The following EFL1 variants were observed in gnomAD, a reference collection of about 807,000 sequenced individuals.
EFL1 encodes the protein elongation factor-like GTPase 1.
EFL1 carries 76 observed loss-of-function variants against 126.7 expected under a neutral mutation model. The observed-to-expected ratio is 0.60, with a 90% confidence interval of 0.50 to 0.73. The LOEUF (loss-of-function observed/expected upper bound fraction) is 0.73, where lower values mean the gene tolerates loss of function less well. EFL1 is among the 30% of genes least tolerant of loss of function. The probability of loss-of-function intolerance (pLI) is 0.00; values close to 1 mark genes in which losing one functional copy is unlikely to be tolerated. For missense variants in EFL1, 1,128 were observed against 1,343.2 expected (o/e 0.84, Z 2.50); for synonymous variants, 410 against 448.4 (o/e 0.91, Z 1.08).
chr15:82,183,543 G>C (rs1376760535), intron 15 of EFL1, among the ~76,000 whole-genome samples: 1 of 152,138 alleles, frequency 6.6e-6, no homozygotes, highest in Non-Finnish European at 1.5e-5. Flanking sequence ...ACAGCAACAG[G>C]GGCCAGCTGA....
Position 82,157,559 on chromosome 15 carries a change from G to A in EFL1, c.2030+154C>T, listed in dbSNP as rs910900982. On this transcript the variant is annotated intron_variant, in intron 17 of 19. Transcript: ENST00000268206. ...CCATTTTTCAGTTATTAAAAAATAA[G>A]TCTACAATCGAATAACTGTTCATGT... is the stretch of plus-strand genomic sequence containing the variant. 20 of 892,610 alleles carry A rather than the reference G, an allele frequency of 2.2e-5. No homozygotes were observed. In the African/African-American group the frequency reaches 3.0e-4, roughly 13 times the overall value. 55.3% of individuals were successfully genotyped at this position (892,610 alleles called of 1,614,324 possible).
chr15:82,183,485 G>C lies in EFL1; in HGVS notation c.1751-19501C>G, dbSNP rs116604923. On this transcript the variant is annotated intron_variant, in intron 15 of 19. Transcript: ENST00000268206. ...CATCTTTCAGAATTAATAATCACTG[G>C]CCCAATTGTCCTTGCTCTGCTGAAT... 8.1e-3 allele frequency among the ~76,000 whole-genome samples: 1,229 copies of C among 152,210 alleles called. 15 individuals are homozygous for C. Among genetic ancestry groups the C allele is most frequent in the African/African-American group, 0.028 (1,153 of 41,526 alleles).
chr15:82,151,082 C>A (rs745952952), intron 18 of EFL1, among the ~76,000 whole-genome samples: 2 of 152,096 alleles, frequency 1.3e-5, no homozygotes, highest in Non-Finnish European at 2.9e-5. Context: ...ACATACTAAA[C>A]GAGTTTAAGA....
chr15:82,163,319 A>C (rs1362355746), intron 16 of EFL1, among the ~76,000 whole-genome samples: 1 of 152,208 alleles, frequency 6.6e-6, no homozygotes, highest in Non-Finnish European at 1.5e-5. Context: ...AGGCAGGCAG[A>C]TGACCTGCGG....
chr15:82,205,490 TCCTA>T (rs1423261478), intron 15 of EFL1, among the ~76,000 whole-genome samples: 3 of 152,190 alleles, frequency 2.0e-5, no homozygotes, highest in South Asian at 2.1e-4. Context: ...TTTCCTCTTT[TCCTA>T]CCTATTTTCC....
chr15:82,208,156 G>A (rs2074545721), intron 15 of EFL1, among the ~76,000 whole-genome samples: 2 of 151,982 alleles, frequency 1.3e-5, no homozygotes, highest in African/African-American at 4.8e-5. Flanking sequence ...TAAAGAAATC[G>A]AACAAGAAAA....
chr15:82,159,779 G>C (rs1286752829), intron 16 of EFL1, among the ~76,000 whole-genome samples: 2 of 152,038 alleles, frequency 1.3e-5, no homozygotes, highest in Admixed American at 6.6e-5. Context: ...TTAATAATTG[G>C]GAAAATGGAA....
At chr15:82,151,436 TCTCA>T (rs2073905535) in intron 18 of EFL1, 25 bp downstream of exon 18, 4 of 1,560,436 alleles carry the variant, frequency 2.6e-6, no homozygotes, top group Non-Finnish European at 2.6e-6. Context: ...TCAGGGCATT[TCTCA>T]CTATCTTTAC....
In EFL1 at chr15:82,130,344, A is replaced by G. The variant is rs1198293950; in HGVS notation, c.*29T>C. 6 of 1,604,416 alleles carry G rather than the reference A, an allele frequency of 3.7e-6. No individual in the cohort carries two copies. The highest frequency in any genetic ancestry group is 5.1e-6 in the Non-Finnish European group (6 of 1,174,988). Reference sequence around the variant, plus strand: ...TTGATGATACTTTTAAATTCACTATAAGGAAAAGAATCCACCAGTAGTAGG... The same window carrying G: ...TTGATGATACTTTTAAATTCACTATGAGGAAAAGAATCCACCAGTAGTAGG... On this transcript the variant is annotated 3_prime_UTR_variant, in exon 20 of 20. Coordinates refer to ENST00000268206, the MANE Select transcript of EFL1 (RefSeq NM_024580.6).
At position 82,151,832 on chromosome 15, in the gene EFL1, T is replaced by G; in HGVS notation, c.2622A>C (p.Gln874His). 1 of 1,614,146 alleles carries G rather than the reference T, an allele frequency of 6.2e-7. No homozygotes were observed. The highest frequency in any genetic ancestry group is 8.5e-7 in the Non-Finnish European group (1 of 1,180,024). ...DLGNSIVSGFQLATLSGPMCE... is the reference protein window; with the variant it reads ...DLGNSIVSGFHLATLSGPMCE... ...ACATGGGGCCAGAGAGGGTTGCTAG[T>G]TGGAAGCCACTCACAATGCTATTGC... The change falls in exon 18 of 20, where the codon CAA (glutamine) becomes CAC (histidine). Residue 874 changes from glutamine to histidine, a missense_variant. By Grantham distance (24) the Gln-to-His change is conservative (BLOSUM62 0). This residue lies in a region of EFL1 where 561 missense variants were observed against 641.7 expected (regional missense o/e 0.87). Coordinates refer to ENST00000268206, the MANE Select transcript of EFL1 (RefSeq NM_024580.6).
intron 19 of EFL1, among the ~76,000 whole-genome samples, chr15:82,131,636 C>CA (rs149208958): frequency 0.051 from 7,705 of 151,958 alleles, 527 homozygotes; most frequent in African/African-American, 0.15. Flanking sequence ...ACTAAAAATA[C>CA]AAAAAATTAG....
intron 4 of EFL1, among the ~76,000 whole-genome samples, chr15:82,243,648 T>C (rs1043732128): frequency 1.3e-4 from 14 of 111,492 alleles, no homozygotes; most frequent in African/African-American, 5.1e-4. Flanking sequence ...AGTCTAAAAA[T>C]GCACTCGTAC....
intron 14 of EFL1, among the ~76,000 whole-genome samples, chr15:82,217,373 G>GGAAAAAAAAAAAAAAAAA (rs1429392936): frequency 7.4e-5 from 2 of 27,150 alleles, no homozygotes; most frequent in Admixed American, 3.8e-4. Context: ...GATTAGATTT[G>GGAAAAAAAAAAAAAAAAA]AAAAAAAAAA....
At chr15:82,166,335 C>G (rs1458111679) in intron 15 of EFL1, among the ~76,000 whole-genome samples, 1 of 152,108 alleles carries the variant, frequency 6.6e-6, no homozygotes, top group Non-Finnish European at 1.5e-5. Context: ...TTTAGATATG[C>G]CCAGATTTGC....
chr15:82,246,931 T>C (rs570253061), intron 4 of EFL1, among the ~76,000 whole-genome samples: 1 of 152,216 alleles, frequency 6.6e-6, no homozygotes, highest in South Asian at 2.1e-4. Context: ...GGAGGACCAC[T>C]TGAGAACCTA....
intron 12 of EFL1, among the ~76,000 whole-genome samples, chr15:82,223,184 C>T (rs965931503): frequency 5.3e-5 from 8 of 151,758 alleles, no homozygotes; most frequent in Non-Finnish European, 8.8e-5. Flanking sequence ...GCTTGTATGT[C>T]TAATACAATG....
intron 4 of EFL1, among the ~76,000 whole-genome samples, chr15:82,244,101 C>T (rs1427475099): frequency 6.6e-6 from 1 of 152,060 alleles, no homozygotes; most frequent in African/African-American, 2.4e-5. Context: ...CAGCTCTGAG[C>T]CAGGCCTCCC....
chr15:82,250,860 T>C (rs2075014388), intron 4 of EFL1, among the ~76,000 whole-genome samples: 1 of 152,174 alleles, frequency 6.6e-6, no homozygotes, highest in East Asian at 1.9e-4. Context: ...ACATATGCTT[T>C]CAATAATCTA....
At chr15:82,171,843 A>C (rs1181047410) in intron 15 of EFL1, among the ~76,000 whole-genome samples, 1 of 152,012 alleles carries the variant, frequency 6.6e-6, no homozygotes, top group African/African-American at 2.4e-5. Context: ...CTGCACACAT[A>C]CCTCCTGTAC....
Sources: allele counts gnomAD v4.1 joint callset (sites outside exome capture counted in the v4.1 genomes callset), GRCh38; gene constraint gnomAD v4.1.1; regional missense constraint gnomAD v4.1.1; transcripts MANE v1.5; gene names NCBI Gene and HGNC (gene_info 2026-07-23, HGNC 2026-07-21).